The following AKR1C3 variants were observed in gnomAD, a reference collection of about 807,000 sequenced individuals.
AKR1C3 encodes the protein aldo-keto reductase family 1 member C3, also known as 3-alpha hydroxysteroid dehydrogenase, type II.
AKR1C3 carries 48 observed loss-of-function variants against 43.6 expected under a neutral mutation model. The ratio of observed to expected loss-of-function variants is 1.10; its 90% CI spans 0.87 to 1.40. AKR1C3 has a LOEUF of 1.40. Ranked by LOEUF, AKR1C3 falls within the 40% of genes most tolerant of loss-of-function variation. The pLI, the probability that AKR1C3 is intolerant of heterozygous loss-of-function variation, is 0.00. For synonymous variants in AKR1C3, 162 were observed against 139.6 expected, an observed-to-expected ratio of 1.16 and a Z score of -1.13; for missense variants, 482 against 391.2, an observed-to-expected ratio of 1.23 and a Z score of -1.96.
At chr10:5,079,404 C>T (rs782210557) in intron 1 of AKR1C3, among the ~76,000 whole-genome samples, 10 of 152,170 alleles carry the variant, frequency 6.6e-5, no homozygotes, top group Non-Finnish European at 1.5e-4. Flanking sequence ...CCCTGAAAAG[C>T]TTTCTTCTCT....
At chr10:5,106,233 A>C (rs1350746953) in intron 8 of AKR1C3, among the ~76,000 whole-genome samples, 1 of 152,080 alleles carries the variant, frequency 6.6e-6, no homozygotes, top group African/African-American at 2.4e-5. Flanking sequence ...TGCCTCCAGA[A>C]AGCCTTCCTT....
intron 1 of AKR1C3, among the ~76,000 whole-genome samples, chr10:5,052,557 G>T (rs560061284): frequency 1.2e-4 from 18 of 151,962 alleles, no homozygotes; most frequent in Non-Finnish European, 2.5e-4. Context: ...AGACACAAAG[G>T]TTCTCCAAGT....
chr10:5,100,780 A>G (rs781795750), intron 5 of AKR1C3, among the ~76,000 whole-genome samples: 1 of 151,112 alleles, frequency 6.6e-6, no homozygotes, highest in African/African-American at 2.5e-5. Context: ...ATTTTTTATT[A>G]TGATAATTTT....
intron 1 of AKR1C3, among the ~76,000 whole-genome samples, chr10:5,082,796 G>C (rs1380657098): frequency 6.6e-6 from 1 of 152,102 alleles, no homozygotes; most frequent in African/African-American, 2.4e-5. Context: ...GTATCAGGAT[G>C]ATACTAGTTT....
intron 1 of AKR1C3, among the ~76,000 whole-genome samples, chr10:5,062,020 G>A (rs1838393122): frequency 1.3e-5 from 2 of 152,158 alleles, no homozygotes; most frequent in African/African-American, 2.4e-5. Flanking sequence ...TAAATGTTAG[G>A]AACAACTCTT....
chr10:5,063,791 G>GAAAAAAAAAAAAAAAAAAAAAAAAAA lies in AKR1C3; in HGVS notation c.84+14900_84+14901insAAAAAAAAAAAAAAAAAAAAAAAAAA, dbSNP rs1554780518. 3.2e-3 allele frequency among the ~76,000 whole-genome samples: 233 copies of GAAAAAAAAAAAAAAAAAAAAAAAAAA among 72,728 alleles called. 1 individual carries two copies. Among genetic ancestry groups the GAAAAAAAAAAAAAAAAAAAAAAAAAA allele is most frequent in the Middle Eastern group, 0.018 (3 of 166 alleles). The allele number at this position is 72,728 out of a possible 152,430, so 47.7% of individuals were successfully genotyped here. ...AAAAAAAAAAAAAAAAAAAAAAAAG[G>GAAAAAAAAAAAAAAAAAAAAAAAAAA]AAAATGGCACAAGTAACTCTTTCCC... On this transcript the variant is annotated intron_variant, in intron 1 of 8. Transcript: ENST00000439082.
At position 5,075,712 on chromosome 10, in the gene AKR1C3, T is replaced by C. The variant is rs1554781750; in HGVS notation, c.85-20698T>C. ...CAACGTGAAGAAACCCTGTCTCTAC[T>C]AAAAATACAAAATTAGCCGGGCATG... On this transcript the variant is annotated intron_variant, in intron 1 of 8. Coordinates refer to the AKR1C3 transcript ENST00000439082. 2.0e-5 allele frequency among the ~76,000 whole-genome samples: 3 copies of C among 152,154 alleles called. No homozygotes were observed. In the East Asian group the frequency reaches 5.8e-4, roughly 29 times the overall value.
chr10:5,096,658 AGTTGT>A, intron 2 of AKR1C3, 81 bp downstream of exon 2: 1 of 1,470,272 alleles, frequency 6.8e-7, no homozygotes, highest in Admixed American at 2.3e-5. Context: ...CTGGATGAGT[AGTTGT>A]GGGTGAATTT....
At chr10:5,063,150 G>C (rs1588334643) in intron 1 of AKR1C3, among the ~76,000 whole-genome samples, 2 of 151,978 alleles carry the variant, frequency 1.3e-5, no homozygotes, top group Non-Finnish European at 1.5e-5. Flanking sequence ...TATTTTTCTT[G>C]AAGATTTAAA....
chr10:5,048,837 A>G, exon 1 of AKR1C3: 6 of 1,613,992 alleles, frequency 3.7e-6, no homozygotes, highest in Non-Finnish European at 5.1e-6. Context: ...CAGTGTTTGA[A>G]GCTAAATGAT....
intron 1 of AKR1C3, among the ~76,000 whole-genome samples, chr10:5,061,099 C>G (rs921444968): frequency 1.2e-4 from 18 of 152,200 alleles, no homozygotes; most frequent in Admixed American, 2.6e-4. Flanking sequence ...CACAGTGCAG[C>G]GGCGGGCTGA....
At chr10:5,096,685 T>C in intron 2 of AKR1C3, 108 bp downstream of exon 2, 1 of 1,466,782 alleles carries the variant, frequency 6.8e-7, no homozygotes, top group Non-Finnish European at 9.1e-7. Flanking sequence ...GCTTCTGGGT[T>C]CAAATTTATT....
chr10:5,064,290 T>C (rs1838448134), intron 1 of AKR1C3, among the ~76,000 whole-genome samples: 1 of 152,104 alleles, frequency 6.6e-6, no homozygotes, highest in Admixed American at 6.5e-5. Flanking sequence ...ACACCTGCAA[T>C]CATTCAACGA....
chr10:5,102,053 A>G, intron 5 of AKR1C3, 48 bp from the exon 6 acceptor site: 1 of 1,174,052 alleles, frequency 8.5e-7, no homozygotes, highest in Admixed American at 1.8e-5. Flanking sequence ...CAATATTAAC[A>G]TAACTATTTC....
chr10:5,052,883 C>T (rs1420796659), intron 1 of AKR1C3, among the ~76,000 whole-genome samples: 13 of 144,786 alleles, frequency 9.0e-5, no homozygotes, highest in African/African-American at 2.9e-4. Flanking sequence ...TACAGAGTGC[C>T]GATTGGTGTA....
intron 7 of AKR1C3, among the ~76,000 whole-genome samples, chr10:5,104,140 C>T (rs1419264443): frequency 2.2e-4 from 34 of 152,054 alleles, no homozygotes; most frequent in Admixed American, 2.0e-3. Flanking sequence ...ATTATTCATG[C>T]CTCTTTCCTG....
At chr10:5,061,271 TGAA>T (rs1295163473) in intron 1 of AKR1C3, among the ~76,000 whole-genome samples, 1 of 152,198 alleles carries the variant, frequency 6.6e-6, no homozygotes, top group Non-Finnish European at 1.5e-5. Flanking sequence ...TTCCAGCTTC[TGAA>T]GAAGGAGCTG....
chr10:5,057,081 T>A (rs1206491079), intron 1 of AKR1C3, among the ~76,000 whole-genome samples: 1 of 152,196 alleles, frequency 6.6e-6, no homozygotes, highest in Non-Finnish European at 1.5e-5. Flanking sequence ...TGTTGGATCA[T>A]CTGGTTGGGG....
At chr10:5,073,117 C>A (rs1564359581) in intron 1 of AKR1C3, among the ~76,000 whole-genome samples, 1 of 152,026 alleles carries the variant, frequency 6.6e-6, no homozygotes, top group Admixed American at 6.5e-5. Flanking sequence ...GCAGGCACCA[C>A]CCCACCCAGC....
Sources: allele counts gnomAD v4.1 joint callset (sites outside exome capture counted in the v4.1 genomes callset), GRCh38; gene constraint gnomAD v4.1.1; transcripts MANE v1.5; gene names NCBI Gene and HGNC (gene_info 2026-07-23, HGNC 2026-07-21).